NEBL: variants seen among roughly 807,000 people sequenced by gnomAD.
NEBL encodes LIM and SH3 protein 2.
Under a neutral mutation model 140.2 loss-of-function variants are expected in NEBL, and 122 were observed. That is an observed-to-expected ratio of 0.87 (90% confidence interval 0.75 to 1.01). The LOEUF is 1.01. NEBL is among the 50% of genes least tolerant of loss of function. NEBL has a pLI of 0.00. For synonymous variants in NEBL, 436 were observed against 398.9 expected (o/e 1.09, Z -1.11); for missense variants, 1,365 against 1,231.3 (o/e 1.11, Z -1.62).
At chr10:20,873,040 G>T (rs557856815) in intron 5 of NEBL, among the ~76,000 whole-genome samples, 129 of 152,200 alleles carry the variant, frequency 8.5e-4, no homozygotes, top group African/African-American at 3.0e-3. Flanking sequence ...ATCCAAGAAC[G>T]TCTTTTGGGG....
At chr10:20,846,571 A>G (rs933330599) in intron 11 of NEBL, among the ~76,000 whole-genome samples, 6 of 152,188 alleles carry the variant, frequency 3.9e-5, no homozygotes, top group Non-Finnish European at 8.8e-5. Context: ...ATCCTGAACT[A>G]AAGAACTGAG....
chr10:21,270,266 A>G (rs1343752898), intron 1 of NEBL, among the ~76,000 whole-genome samples: 1 of 152,206 alleles, frequency 6.6e-6, no homozygotes, highest in Non-Finnish European at 1.5e-5. Context: ...AGTTTCTTCT[A>G]TTAAGCATCT....
chr10:21,169,220 T>C (rs541246225), intron 2 of NEBL, among the ~76,000 whole-genome samples: 3 of 150,632 alleles, frequency 2.0e-5, no homozygotes, highest in African/African-American at 2.4e-5. Context: ...TTTTACTTTT[T>C]TTTCATGTAT....
intron 12 of NEBL, among the ~76,000 whole-genome samples, chr10:20,842,783 T>C (rs1283742259): frequency 6.6e-6 from 1 of 152,044 alleles, no homozygotes; most frequent in African/African-American, 2.4e-5. Flanking sequence ...CTATATACTA[T>C]CTTCACCACA....
chr10:21,034,549 C>A (rs1356082460), intron 2 of NEBL, among the ~76,000 whole-genome samples: 1 of 152,148 alleles, frequency 6.6e-6, no homozygotes, highest in Non-Finnish European at 1.5e-5. Context: ...TGACAATTTG[C>A]AGATCAGTTA....
chr10:20,923,233 A>G (rs2131507040), intron 4 of NEBL, among the ~76,000 whole-genome samples: 1 of 151,704 alleles, frequency 6.6e-6, no homozygotes, highest in African/African-American at 2.4e-5. Flanking sequence ...ACACCAAGAT[A>G]ATTTTTGTAT....
chr10:20,880,219 G>A (rs189005720), intron 5 of NEBL, among the ~76,000 whole-genome samples: 116 of 152,138 alleles, frequency 7.6e-4, no homozygotes, highest in African/African-American at 2.4e-3. Flanking sequence ...AAATTAGGCC[G>A]GTGTGGTGGT....
At chr10:20,977,098 A>G (rs1428801827) in intron 3 of NEBL, among the ~76,000 whole-genome samples, 1 of 152,156 alleles carries the variant, frequency 6.6e-6, no homozygotes, top group South Asian at 2.1e-4. Flanking sequence ...TTTCCAGTCC[A>G]GGTGTTTTTA....
intron 1 of NEBL, among the ~76,000 whole-genome samples, chr10:21,253,474 A>G (rs968001023): frequency 6.6e-6 from 1 of 151,784 alleles, no homozygotes; most frequent in East Asian, 1.9e-4. Context: ...GATAAACTAG[A>G]CAACATTGAG....
intron 2 of NEBL, among the ~76,000 whole-genome samples, chr10:21,031,449 C>T (rs938222070): frequency 2.0e-5 from 3 of 152,212 alleles, no homozygotes; most frequent in Non-Finnish European, 4.4e-5. Flanking sequence ...ACCAAGACCA[C>T]GCCTATTCCT....
chr10:21,118,064 C>T (rs542619544), intron 2 of NEBL, among the ~76,000 whole-genome samples: 1 of 152,214 alleles, frequency 6.6e-6, no homozygotes, highest in South Asian at 2.1e-4. Context: ...TCCTCATGTG[C>T]CCACTGAGAA....
intron 4 of NEBL, among the ~76,000 whole-genome samples, chr10:20,944,339 G>A (rs1033989077): frequency 6.6e-6 from 1 of 152,070 alleles, no homozygotes; most frequent in Non-Finnish European, 1.5e-5. Flanking sequence ...GGCGGAGGGT[G>A]CACTGAGCCA....
At chr10:21,202,544 A>G (rs1444808102) in intron 3 of NEBL, among the ~76,000 whole-genome samples, 1 of 147,138 alleles carries the variant, frequency 6.8e-6, no homozygotes, top group Non-Finnish European at 1.5e-5. Context: ...GCTCACTGCA[A>G]GCTCCGCCCC....
intron 26 of NEBL, among the ~76,000 whole-genome samples, chr10:20,806,195 CAA>C (rs1837601544): frequency 6.6e-6 from 1 of 152,062 alleles, no homozygotes; most frequent in South Asian, 2.1e-4. Context: ...GGAGAGAATG[CAA>C]AGAGACAAGT....
chr10:20,811,569 T>C (rs780434545), intron 24 of NEBL, among the ~76,000 whole-genome samples: 8 of 152,164 alleles, frequency 5.3e-5, no homozygotes, highest in Non-Finnish European at 8.8e-5. Context: ...CCTACAAACA[T>C]GTTTGGAATC....
intron 4 of NEBL, among the ~76,000 whole-genome samples, chr10:20,942,892 C>A (rs1455419429): frequency 6.6e-6 from 1 of 152,182 alleles, no homozygotes; most frequent in Non-Finnish European, 1.5e-5. Context: ...CAATGAGATA[C>A]CATTTCACAC....
intron 2 of NEBL, among the ~76,000 whole-genome samples, chr10:21,048,766 T>G (rs1259719906): frequency 6.6e-6 from 1 of 152,038 alleles, no homozygotes; most frequent in Non-Finnish European, 1.5e-5. Flanking sequence ...GAGGCTGAGG[T>G]GGGTGGATCA....
intron 1 of NEBL, among the ~76,000 whole-genome samples, chr10:21,262,948 T>C (rs761573415): frequency 1.1e-4 from 16 of 152,174 alleles, no homozygotes; most frequent in Admixed American, 6.5e-5. Context: ...AGGATTCTCT[T>C]TCAGCATCAG....
intron 4 of NEBL, among the ~76,000 whole-genome samples, chr10:20,919,783 G>A (rs935015292): frequency 1.3e-5 from 2 of 151,892 alleles, no homozygotes; most frequent in Non-Finnish European, 2.9e-5. Flanking sequence ...CTCAAAATCC[G>A]GAACCTACAG....
Sources: gnomAD v4.1 joint callset for allele counts (sites outside exome capture counted in the v4.1 genomes callset) on GRCh38, gnomAD v4.1.1 for gene constraint, MANE v1.5 for transcripts, NCBI Gene and HGNC (gene_info 2026-07-23, HGNC 2026-07-21) for gene names.